NAALADL2: variants seen among roughly 807,000 people sequenced by gnomAD.
NAALADL2 encodes N-acetylated alpha-linked acidic dipeptidase like 2, also known as inactive N-acetylated-alpha-linked acidic dipeptidase-like protein 2.
A neutral mutation model predicts 87.2 loss-of-function variants in NAALADL2; 76 were observed. That is an observed-to-expected ratio of 0.87 (90% CI 0.72 to 1.05). The LOEUF is 1.05. NAALADL2 is among the 50% of genes least tolerant of loss of function. The pLI is 0.00. For synonymous variants in NAALADL2, 354 were observed against 331.0 expected, an observed-to-expected ratio of 1.07 and a Z score of -0.75; for missense variants, 1,089 against 945.8, an observed-to-expected ratio of 1.15 and a Z score of -1.99.
chr3:175,575,719 A>C (rs1265159149), intron 9 of NAALADL2, among the ~76,000 whole-genome samples: 1 of 152,230 alleles, frequency 6.6e-6, no homozygotes, highest in Non-Finnish European at 1.5e-5. Context: ...TCTTTTTTAA[A>C]TATCGTCAGA....
intron 5 of NAALADL2, among the ~76,000 whole-genome samples, chr3:175,335,012 T>G (rs1403921605): frequency 6.6e-6 from 1 of 151,934 alleles, no homozygotes; most frequent in East Asian, 1.9e-4. Context: ...ACCCTGAAAA[T>G]CTTAACAGTG....
chr3:174,509,902 T>G (rs558933624), intron 1 of NAALADL2, among the ~76,000 whole-genome samples: 1 of 152,240 alleles, frequency 6.6e-6, no homozygotes, highest in South Asian at 2.1e-4. Context: ...ACAGATGCCA[T>G]GTATAAGATT....
intron 3 of NAALADL2, among the ~76,000 whole-genome samples, chr3:175,253,422 G>C (rs1749399960): frequency 6.6e-6 from 1 of 152,132 alleles, no homozygotes; most frequent in African/African-American, 2.4e-5. Flanking sequence ...CTGAAAAAAA[G>C]ATTCCTTTCA....
intron 3 of NAALADL2, among the ~76,000 whole-genome samples, chr3:174,758,371 C>G (rs1421840181): frequency 6.6e-6 from 1 of 152,186 alleles, no homozygotes; most frequent in Admixed American, 6.5e-5. Flanking sequence ...AATGAAATAA[C>G]ATATACAACT....
intron 2 of NAALADL2, among the ~76,000 whole-genome samples, chr3:175,133,522 C>T (rs1367384678): frequency 2.6e-5 from 4 of 152,218 alleles, no homozygotes; most frequent in Non-Finnish European, 4.4e-5. Flanking sequence ...GAGCTGGAGA[C>T]CAGCCCGGTC....
intron 3 of NAALADL2, among the ~76,000 whole-genome samples, chr3:174,838,016 A>AAAAAG (rs1401162659): frequency 7.3e-6 from 1 of 137,214 alleles, no homozygotes; most frequent in Non-Finnish European, 1.6e-5. Context: ...GACATAACCA[A>AAAAAG]AAAAGAAAAA....
At chr3:174,896,478 A>G (rs1412354910) in intron 1 of NAALADL2, among the ~76,000 whole-genome samples, 3 of 152,152 alleles carry the variant, frequency 2.0e-5, no homozygotes, top group Non-Finnish European at 4.4e-5. Context: ...AAGGATCTCT[A>G]TGATTAAAAT....
chr3:175,568,645 G>A (rs1469574001), intron 9 of NAALADL2, among the ~76,000 whole-genome samples: 1 of 152,172 alleles, frequency 6.6e-6, no homozygotes, highest in Non-Finnish European at 1.5e-5. Flanking sequence ...TTTCCCTGCT[G>A]TGGGCTATTT....
intron 1 of NAALADL2, among the ~76,000 whole-genome samples, chr3:174,901,002 A>C (rs1285614800): frequency 6.6e-6 from 1 of 152,200 alleles, no homozygotes; most frequent in African/African-American, 2.4e-5. Flanking sequence ...GTTGAAGACA[A>C]AGACACTTGA....
At chr3:175,107,390 G>T (rs536884021) in intron 2 of NAALADL2, among the ~76,000 whole-genome samples, 5 of 151,872 alleles carry the variant, frequency 3.3e-5, no homozygotes, top group African/African-American at 1.2e-4. Context: ...TTCTTCCCTG[G>T]GTCTTTAGCC....
intron 4 of NAALADL2, among the ~76,000 whole-genome samples, chr3:175,305,931 G>A (rs567251927): frequency 1.3e-4 from 19 of 151,928 alleles, no homozygotes; most frequent in East Asian, 9.7e-4. Flanking sequence ...ATTTGCTGGC[G>A]TCTATTTGCT....
rs187639297 is a variant in NAALADL2, at chr3:175,512,531, G to A, written c.1653+40773G>A. 3.2e-3 allele frequency among the ~76,000 whole-genome samples: 488 copies of A among 152,136 alleles called. 4 individuals carry two copies. Among genetic ancestry groups the A allele is most frequent in the Middle Eastern group, 0.014 (4 of 294 alleles). On this transcript the variant is annotated intron_variant, in intron 9 of 13. Coordinates refer to ENST00000454872, the MANE Select transcript of NAALADL2 (RefSeq NM_207015.3). ...TTAAAAACTATATCCAACTTTATTG[G>A]TACTTTATAGAAAGAAAGAAATGAA... is the stretch of plus-strand genomic sequence containing the variant.
chr3:175,787,369 G>A (rs866742576), intron 13 of NAALADL2, among the ~76,000 whole-genome samples: 4 of 152,208 alleles, frequency 2.6e-5, no homozygotes, highest in Admixed American at 6.5e-5. Context: ...GTGAGACTCC[G>A]TGGGCGTAGG....
chr3:175,199,179 A>G (rs1739440756), intron 2 of NAALADL2, among the ~76,000 whole-genome samples: 1 of 152,106 alleles, frequency 6.6e-6, no homozygotes, highest in Non-Finnish European at 1.5e-5. Context: ...AGCTTTCTCC[A>G]AGGCCTCTTT....
intron 1 of NAALADL2, among the ~76,000 whole-genome samples, chr3:175,065,221 C>A (rs1714328450): frequency 6.6e-6 from 1 of 152,018 alleles, no homozygotes; most frequent in Non-Finnish European, 1.5e-5. Context: ...CTTGATGGAC[C>A]CACATTTAGG....
intron 4 of NAALADL2, among the ~76,000 whole-genome samples, chr3:175,280,033 TA>T (rs5854623): frequency 0.46 from 68,608 of 148,368 alleles, 15,974 homozygotes; most frequent in East Asian, 0.67. Context: ...CACTCCACTT[TA>T]AAAAAAAAAA....
At chr3:175,446,078 G>A (rs1429750926) in intron 5 of NAALADL2, among the ~76,000 whole-genome samples, 1 of 152,136 alleles carries the variant, frequency 6.6e-6, no homozygotes, top group Non-Finnish European at 1.5e-5. Flanking sequence ...TTGTGGGTGA[G>A]TTGTTTCTTT....
intron 2 of NAALADL2, among the ~76,000 whole-genome samples, chr3:174,604,320 CCTT>C (rs1440832833): frequency 2.0e-5 from 3 of 151,946 alleles, no homozygotes; most frequent in Non-Finnish European, 4.4e-5. Flanking sequence ...TATATAGTGA[CCTT>C]CTTTGTCTCT....
At chr3:175,007,853 C>T (rs1749247398) in intron 1 of NAALADL2, among the ~76,000 whole-genome samples, 1 of 152,116 alleles carries the variant, frequency 6.6e-6, no homozygotes, top group African/African-American at 2.4e-5. Context: ...ATACCATCGT[C>T]ACTACTGTTA....
Sources: gnomAD v4.1 joint callset for allele counts (sites outside exome capture counted in the v4.1 genomes callset) on GRCh38, gnomAD v4.1.1 for gene constraint, MANE v1.5 for transcripts, NCBI Gene and HGNC (gene_info 2026-07-23, HGNC 2026-07-21) for gene names.